The following CA10 variants were observed in gnomAD, a reference collection of about 807,000 sequenced individuals.
CA10 encodes the protein carbonic anhydrase-related protein 10.
In CA10, 14 loss-of-function variants were observed where a neutral mutation model predicts 44.2. That is an observed-to-expected ratio of 0.32 (90% CI 0.21 to 0.50). The LOEUF (loss-of-function observed/expected upper bound fraction) is 0.50. CA10 is among the 20% of genes least tolerant of loss of function. CA10 has a pLI of 0.99. For missense variants in CA10, 350 were observed against 409.7 expected (o/e 0.85, Z 1.26); for synonymous variants, 159 against 141.6 (o/e 1.12, Z -0.87).
At chr17:52,086,003 CAATTT>C in intron 1 of CA10, among the ~76,000 whole-genome samples, 1 of 152,286 alleles carries the variant, frequency 6.6e-6, no homozygotes, top group Non-Finnish European at 1.5e-5. Flanking sequence ...ATATTGTATA[CAATTT>C]ATTTCATTTC....
At chr17:52,033,192 A>T (rs1986519497) in intron 2 of CA10, among the ~76,000 whole-genome samples, 1 of 152,230 alleles carries the variant, frequency 6.6e-6, no homozygotes, top group Non-Finnish European at 1.5e-5. Flanking sequence ...ACAAAGATAT[A>T]GAGTAGTAAA....
intron 3 of CA10, among the ~76,000 whole-genome samples, chr17:51,859,768 T>C (rs1383729785): frequency 6.6e-6 from 1 of 152,222 alleles, no homozygotes; most frequent in East Asian, 1.9e-4. Context: ...AAGGGCATTG[T>C]AAAGTATAAA....
chr17:51,635,800 AT>A (rs542366566), intron 7 of CA10, 54 bp downstream of exon 7: 841 of 1,371,754 alleles, frequency 6.1e-4, no homozygotes, highest in South Asian at 1.0e-3. Flanking sequence ...CATTTCAGTG[AT>A]TTTTTTTTAA....
chr17:51,630,610 T>A lies in CA10; in HGVS notation c.*974A>T, dbSNP rs1912527592. 6.6e-6 allele frequency: 1 copy of A among 152,656 alleles called. No homozygotes were observed. The highest frequency in any genetic ancestry group is 2.1e-4 in the South Asian group (1 of 4,828). The allele number at this position is 152,656 out of a possible 1,614,324, so 9.5% of individuals were successfully genotyped here. A position where few individuals can be genotyped will look rare whatever the true frequency, so the allele number is the denominator to read the frequency against. On this transcript the variant is annotated 3_prime_UTR_variant, in exon 9 of 9. Transcript: ENST00000451037. ...CATGGAGTGGAATTAAAGTCATACTTGCTTAGCAAATGCATTCCTGATTGC... is the reference window on the plus strand; with the variant it reads ...CATGGAGTGGAATTAAAGTCATACTAGCTTAGCAAATGCATTCCTGATTGC...
intron 1 of CA10, among the ~76,000 whole-genome samples, chr17:52,121,517 G>A (rs1053277423): frequency 2.6e-5 from 4 of 152,008 alleles, no homozygotes; most frequent in African/African-American, 9.7e-5. Context: ...ACAATGCTTA[G>A]GTATGTGAAG....
intron 3 of CA10, among the ~76,000 whole-genome samples, chr17:51,877,313 A>G (rs1483569729): frequency 2.6e-5 from 4 of 152,192 alleles, no homozygotes; most frequent in Admixed American, 6.5e-5. Flanking sequence ...TGGTATTTTG[A>G]GATTGTTTGC....
chr17:51,993,380 G>A (rs1985113043), intron 2 of CA10, among the ~76,000 whole-genome samples: 1 of 152,070 alleles, frequency 6.6e-6, no homozygotes, highest in South Asian at 2.1e-4. Context: ...GACCTCTTCT[G>A]AAGCATACAC....
At chr17:52,119,736 T>C (rs1405439303) in intron 1 of CA10, among the ~76,000 whole-genome samples, 1 of 152,240 alleles carries the variant, frequency 6.6e-6, no homozygotes, top group Non-Finnish European at 1.5e-5. Flanking sequence ...AGTCTATTTT[T>C]CAAACAACTC....
chr17:52,037,739 G>A (rs941106157), intron 2 of CA10, among the ~76,000 whole-genome samples: 6 of 152,118 alleles, frequency 3.9e-5, no homozygotes, highest in African/African-American at 1.4e-4. Flanking sequence ...ACTATGCAGA[G>A]TCTGTATTTT....
At chr17:51,924,039 C>T (rs982453366) in intron 3 of CA10, among the ~76,000 whole-genome samples, 11 of 151,926 alleles carry the variant, frequency 7.2e-5, no homozygotes, top group African/African-American at 2.4e-4. Flanking sequence ...ACAAGGAAAG[C>T]GATATTAATA....
At chr17:51,875,947 C>A (rs1422796889) in intron 3 of CA10, among the ~76,000 whole-genome samples, 5 of 152,112 alleles carry the variant, frequency 3.3e-5, no homozygotes, top group African/African-American at 9.7e-5. Flanking sequence ...TGACTTAGCA[C>A]AATGCCTTTG....
At chr17:51,754,435 ATATATATATATAT>A (rs1286606179) in intron 3 of CA10, among the ~76,000 whole-genome samples, 6 of 128,766 alleles carry the variant, frequency 4.7e-5, no homozygotes, top group African/African-American at 1.9e-4. Flanking sequence ...ATATATATAT[ATATATATATATAT>A]CACGTAAAAT....
intron 4 of CA10, among the ~76,000 whole-genome samples, chr17:51,665,220 G>C (rs1258651673): frequency 6.6e-6 from 1 of 152,138 alleles, no homozygotes; most frequent in Non-Finnish European, 1.5e-5. Flanking sequence ...CATAAAGTAT[G>C]ATACTTAATA....
intron 1 of CA10, among the ~76,000 whole-genome samples, chr17:52,128,322 C>CTG (rs1989163209): frequency 6.6e-6 from 1 of 152,140 alleles, no homozygotes; most frequent in Non-Finnish European, 1.5e-5. Flanking sequence ...GTCTCCAAGA[C>CTG]CATTTCAAAA....
intron 3 of CA10, among the ~76,000 whole-genome samples, chr17:51,871,498 C>T (rs1979813539): frequency 6.6e-6 from 1 of 150,538 alleles, no homozygotes; most frequent in African/African-American, 2.4e-5. Flanking sequence ...CCTTGGCCTC[C>T]CAAAGTGTTG....
intron 4 of CA10, among the ~76,000 whole-genome samples, chr17:51,691,577 G>A (rs1915193066): frequency 6.9e-6 from 1 of 145,094 alleles, no homozygotes; most frequent in Admixed American, 6.6e-5. Context: ...TCAGTTTGAT[G>A]TAGTCCCATT....
At chr17:52,040,141 T>C (rs982226216) in intron 2 of CA10, among the ~76,000 whole-genome samples, 6 of 115,154 alleles carry the variant, frequency 5.2e-5, no homozygotes, top group Non-Finnish European at 9.1e-5. Context: ...CCTTTCTTTT[T>C]TTTCTTTTTT....
intron 2 of CA10, among the ~76,000 whole-genome samples, chr17:51,981,025 A>G (rs1364296939): frequency 6.6e-6 from 1 of 152,112 alleles, no homozygotes; most frequent in Non-Finnish European, 1.5e-5. Context: ...CACTGGTGAC[A>G]CCAAATGCTG....
At chr17:51,932,696 G>A (rs1249997571) in intron 2 of CA10, among the ~76,000 whole-genome samples, 1 of 152,080 alleles carries the variant, frequency 6.6e-6, no homozygotes, top group African/African-American at 2.4e-5. Flanking sequence ...GGGAGAAAGA[G>A]GAGGAGGAGG....
Sources: gnomAD v4.1 joint callset for allele counts (sites outside exome capture counted in the v4.1 genomes callset) on GRCh38, gnomAD v4.1.1 for gene constraint, MANE v1.5 for transcripts, NCBI Gene and HGNC (gene_info 2026-07-23, HGNC 2026-07-21) for gene names.